ITGAX: variants seen among roughly 807,000 people sequenced by gnomAD.
The protein encoded by ITGAX is integrin alpha-X.
A neutral mutation model predicts 140.2 loss-of-function variants in ITGAX; 99 were observed. The ratio of observed to expected loss-of-function variants is 0.71; its 90% CI spans 0.60 to 0.83. The LOEUF is 0.83. ITGAX is among the 40% of genes least tolerant of loss of function. ITGAX has a pLI of 0.00. For missense variants in ITGAX, 1,444 were observed against 1,482.0 expected, an observed-to-expected ratio of 0.97 and a Z score of 0.42; for synonymous variants, 631 against 600.4, an observed-to-expected ratio of 1.05 and a Z score of -0.75.
intron 9 of ITGAX, chr16:31,361,496 G>A: frequency 1.5e-6 from 1 of 668,726 alleles, no homozygotes. Flanking sequence ...CAACCCAGGA[G>A]ACCCTTCCAC....
At chr16:31,375,736 A>G (rs1486097824) in intron 20 of ITGAX, among the ~76,000 whole-genome samples, 1 of 152,234 alleles carries the variant, frequency 6.6e-6, no homozygotes, top group Non-Finnish European at 1.5e-5. Context: ...CTCTTAGTCT[A>G]ATATTCCCAG....
At chr16:31,365,582 A>G (rs1227465812) in intron 14 of ITGAX, among the ~76,000 whole-genome samples, 1 of 152,248 alleles carries the variant, frequency 6.6e-6, no homozygotes, top group South Asian at 2.1e-4. Context: ...TGCCTGGCAC[A>G]CAATAGGTAT....
At chr16:31,371,528 C>A in intron 16 of ITGAX, 31 bp downstream of exon 16, 1 of 1,611,928 alleles carries the variant, frequency 6.2e-7, no homozygotes, top group Non-Finnish European at 8.5e-7. Flanking sequence ...CCCAGGACAC[C>A]CTGACCTCTG....
At chr16:31,373,158 C>T (rs1366249163) in intron 19 of ITGAX, 91 bp from the exon 20 acceptor site, 3 of 793,710 alleles carry the variant, frequency 3.8e-6, no homozygotes, top group Non-Finnish European at 5.7e-6. Context: ...CCCTGTCTAT[C>T]TCCCAAATCC....
chr16:31,379,617 G>A lies in ITGAX; in HGVS notation c.2839G>A (p.Glu947Lys), dbSNP rs770156439. The A allele has an allele frequency of 2.0e-5, 32 of 1,563,276 alleles. No homozygotes were observed. The Admixed American group carries it at 5.0e-4, about 24-fold the overall frequency. Residue 947 changes from glutamate to lysine, a missense_variant, in exon 24 of 30, where the codon GAA becomes AAA. By Grantham distance (56) the Glu-to-Lys change is moderately conservative. Transcript: ENST00000268296. ...YLNFSESEEK[E>K]SHVAMHRYQV... ...CAACTTCTCAGAGTCTGAGGAGAAGGAAAGCCATGTGGCCATGCACAGATA... is the reference window on the plus strand; with the variant it reads ...CAACTTCTCAGAGTCTGAGGAGAAGAAAAGCCATGTGGCCATGCACAGATA...
intron 20 of ITGAX, 74 bp from the exon 21 acceptor site, chr16:31,376,725 G>A: frequency 7.4e-7 from 1 of 1,349,520 alleles, no homozygotes; most frequent in Middle Eastern, 1.8e-4. Context: ...ATATTAGGTT[G>A]GTGCAAAAGT....
chr16:31,381,554 G>T (rs1470225879), intron 29 of ITGAX, among the ~76,000 whole-genome samples: 4 of 152,088 alleles, frequency 2.6e-5, no homozygotes, highest in African/African-American at 9.7e-5. Flanking sequence ...AATTAGTTGG[G>T]CATGGTGGAG....
At chr16:31,379,540 C>T in intron 23 of ITGAX, 28 bp from the exon 24 acceptor site, 1 of 1,552,212 alleles carries the variant, frequency 6.4e-7, no homozygotes, top group Non-Finnish European at 8.7e-7. Flanking sequence ...TGGTAGTTCA[C>T]ATCCACTTAT....
chr16:31,368,820 T>C (rs2080920437), intron 14 of ITGAX, among the ~76,000 whole-genome samples: 1 of 151,450 alleles, frequency 6.6e-6, no homozygotes, highest in Non-Finnish European at 1.5e-5. Flanking sequence ...TTAACGAGCA[T>C]GCTGCCTTCA....
chr16:31,359,673 G>T (rs1187397689), intron 5 of ITGAX, 27 bp from the exon 6 acceptor site: 1 of 1,611,686 alleles, frequency 6.2e-7, no homozygotes, highest in African/African-American at 1.3e-5. Context: ...GTGTCACTTG[G>T]AGGACCGGTG....
intron 14 of ITGAX, among the ~76,000 whole-genome samples, chr16:31,369,101 C>T (rs1444120382): frequency 1.3e-5 from 2 of 152,250 alleles, no homozygotes; most frequent in South Asian, 4.1e-4. Context: ...TCATCATGGC[C>T]CGTTCTCAAT....
At chr16:31,374,944 C>T (rs866975672) in intron 20 of ITGAX, among the ~76,000 whole-genome samples, 4 of 152,368 alleles carry the variant, frequency 2.6e-5, no homozygotes, top group South Asian at 2.1e-4. Flanking sequence ...ACTATTATCT[C>T]AAGAGTAGAT....
chr16:31,360,253 A>C, intron 7 of ITGAX, 57 bp from the exon 8 acceptor site: 1 of 1,546,988 alleles, frequency 6.5e-7, no homozygotes, highest in Non-Finnish European at 8.7e-7. Context: ...TCACAAGGGC[A>C]CCAGGGGCTA....
rs778454920 is a variant in ITGAX, at chr16:31,372,632, C to G, written c.2328C>G (p.Ile776Met). 6.2e-7 allele frequency: 1 copy of G among 1,614,144 alleles called. No individual in the cohort carries two copies. Among genetic ancestry groups the G allele is most frequent in the South Asian group, 1.1e-5 (1 of 91,086 alleles). The change falls in exon 19 of 30, where the codon ATC (isoleucine) becomes ATG (methionine). Residue 776 changes from isoleucine (I) to methionine (M), a missense_variant. Coordinates refer to ENST00000268296, the MANE Select transcript of ITGAX (RefSeq NM_000887.5). ...AGAAGAACTGTGGAGCCGACCATAT[C>G]TGCCAGGACAATCTCGGCATCTCCT... ...PFEKNCGADHICQDNLGISFS... is the reference protein window; with the variant it reads ...PFEKNCGADHMCQDNLGISFS...
At chr16:31,355,632 G>T (rs1341292128) in intron 1 of ITGAX, among the ~76,000 whole-genome samples, 1 of 152,200 alleles carries the variant, frequency 6.6e-6, no homozygotes, top group Non-Finnish European at 1.5e-5. Flanking sequence ...AGCGCCCGAG[G>T]TGCACGTTGG....
In ITGAX at chr16:31,363,120, G is replaced by A. The variant is rs774946608; in HGVS notation, c.1500+45G>A. 5.0e-6 allele frequency: 8 copies of A among 1,606,438 alleles called. No individual in the cohort carries two copies. In the South Asian group the frequency reaches 7.7e-5, roughly 16 times the overall value. ...GGGGTGGGTGGGGTCTGGTGTGGGT[G>A]GAGGGGTTGCCCGGGTTGGGCCTGG... On this transcript the variant is annotated intron_variant, in intron 13 of 29. Transcript: ENST00000268296.
In ITGAX at chr16:31,380,041, G is replaced by A. The variant is rs148941060; in HGVS notation, c.3036G>A (p.Ala1012=). 2.1e-5 allele frequency: 34 copies of A among 1,613,828 alleles called. No homozygotes were observed. The highest frequency in any genetic ancestry group is 2.7e-5 in the African/African-American group (2 of 74,868). The part of the protein sequence containing the change: ...KIAPPASDFL[A]HIQKNPVLDC... ...CACCCCCAGCATCTGACTTCCTGGC[G>A]CACATTCAGAAGAATCCCGTGCTGG... is the stretch of plus-strand genomic sequence containing the variant. Residue 1012 remains alanine, a synonymous_variant, in exon 26 of 30, where the codon GCG becomes GCA. Coordinates refer to ENST00000268296, the MANE Select transcript of ITGAX (RefSeq NM_000887.5).
At position 31,382,927 on chromosome 16, in the gene ITGAX, A is replaced by G. The variant is rs2081082748; in HGVS notation, c.*1020A>G. ...AATGTTTGTGTTAATAAATTAAAAC[A>G]TGCACAAAAAGATGCATCTACCGCT... On this transcript the variant is annotated 3_prime_UTR_variant, in exon 30 of 30. Coordinates refer to ENST00000268296, the MANE Select transcript of ITGAX (RefSeq NM_000887.5). 1 of 167,896 alleles carries G rather than the reference A, an allele frequency of 6.0e-6. No homozygotes were observed. Among genetic ancestry groups the G allele is most frequent in the African/African-American group, 2.4e-5 (1 of 41,796 alleles). The allele number at this position is 167,896 out of a possible 1,614,324, so 10.4% of individuals were successfully genotyped here.
At chr16:31,379,331 G>A (rs1234148697) in intron 23 of ITGAX, among the ~76,000 whole-genome samples, 1 of 152,050 alleles carries the variant, frequency 6.6e-6, no homozygotes, top group Non-Finnish European at 1.5e-5. Context: ...TGGCCAGGGT[G>A]ATCTCGAACT....
Sources: gnomAD v4.1 joint callset for allele counts (sites outside exome capture counted in the v4.1 genomes callset) on GRCh38, gnomAD v4.1.1 for gene constraint, MANE v1.5 for transcripts, NCBI Gene and HGNC (gene_info 2026-07-23, HGNC 2026-07-21) for gene names.